CELF2: variants seen among roughly 807,000 people sequenced by gnomAD.
CELF2 encodes the protein CUGBP Elav-like family member 2, also known as CUG triplet repeat RNA-binding protein 2.
A neutral mutation model predicts 62.6 loss-of-function variants in CELF2; 8 were observed. The observed-to-expected ratio is 0.13, with a 90% CI of 0.07 to 0.23. The LOEUF (loss-of-function observed/expected upper bound fraction) is 0.23, where lower values mean the gene tolerates loss of function less well. CELF2 is among the 10% of genes least tolerant of loss of function. The pLI is 1.00. For synonymous variants in CELF2, 258 were observed against 250.0 expected, an observed-to-expected ratio of 1.03 and a Z score of -0.30; for missense variants, 333 against 671.0, an observed-to-expected ratio of 0.50 and a Z score of 5.56.
chr10:10,628,154 T>C, the CELF2 span, among the ~76,000 whole-genome samples: 1 of 152,170 alleles, frequency 6.6e-6, no homozygotes, highest in Non-Finnish European at 1.5e-5. Flanking sequence ...CCCCCCTGCC[T>C]TGGGCTCCCA....
the CELF2 span, among the ~76,000 whole-genome samples, chr10:10,646,690 G>A: frequency 1.3e-5 from 2 of 152,196 alleles, no homozygotes; most frequent in African/African-American, 2.4e-5. Flanking sequence ...ATGACAAGCT[G>A]TGATGAAATA....
chr10:10,718,331 C>T, the CELF2 span, among the ~76,000 whole-genome samples: 4 of 152,018 alleles, frequency 2.6e-5, no homozygotes, highest in African/African-American at 9.7e-5. Context: ...CAGACAAATC[C>T]ATGATTTCTT....
Position 11,157,817 on chromosome 10 carries a change from T to C in CELF2, c.75-7669T>C, listed in dbSNP as rs1007932970. Among the ~76,000 whole-genome samples, 4 of 152,244 alleles carry C rather than the reference T, an allele frequency of 2.6e-5. No homozygotes were observed. Among genetic ancestry groups the C allele is most frequent in the Non-Finnish European group, 4.4e-5 (3 of 68,046 alleles). On this transcript the variant is annotated intron_variant, in intron 1 of 12. Transcript: ENST00000633077. The surrounding 1 kb of genome is among the most constrained non-coding windows in gnomAD (Gnocchi z 4.9). ...TGTAGAGAGGGTTGTGAATCCGCAC[T>C]GACCGTGTTCTCTTGCATAAATAAG...
chr10:10,664,781 C>T, the CELF2 span, among the ~76,000 whole-genome samples: 5 of 152,270 alleles, frequency 3.3e-5, no homozygotes, highest in East Asian at 1.9e-4. Flanking sequence ...AATCTATCTT[C>T]GTGGGCAGAT....
At position 10,934,756 on chromosome 10, in the gene CELF2, T is replaced by C. The variant is rs1156776429; in HGVS notation, c.89+14757T>C. On this transcript the variant is annotated intron_variant, in intron 2 of 13. Coordinates refer to the CELF2 transcript ENST00000636488. This position sits in a 1 kb window ranked among gnomAD's most constrained non-coding sequence, Gnocchi z 4.4. ...GGGCAGTTCTGGATGTAGAACTTGA[T>C]GTTTGAGCATTTAGTAAGAAAGCAT... 20 of 152,174 alleles carry C rather than the reference T, an allele frequency of 1.3e-4. No individual in the cohort carries two copies. The highest frequency in any genetic ancestry group is 1.3e-3 in the Admixed American group (20 of 15,280). 9.4% of individuals were successfully genotyped at this position (152,174 alleles called of 1,614,324 possible).
chr10:10,956,370 A>G (rs2048898439), intron 2 of CELF2, among the ~76,000 whole-genome samples: 1 of 152,180 alleles, frequency 6.6e-6, no homozygotes. Flanking sequence ...GAAGTGTTCC[A>G]GGTACTTTAT....
In CELF2 at chr10:11,242,357, C is replaced by G. The variant is rs537875306; in HGVS notation, c.355-6796C>G. Among the ~76,000 whole-genome samples the G allele has an allele frequency of 6.6e-6, 1 of 152,130 alleles. No individual in the cohort carries two copies. The highest frequency in any genetic ancestry group is 1.5e-5 in the Non-Finnish European group (1 of 68,024). ...TGAGGAGCCAGCTGTGCCCCCTGCC[C>G]GCAGCTGCTTCCTTCCCCCAGGACT... is the stretch of plus-strand genomic sequence containing the variant. On this transcript the variant is annotated intron_variant, in intron 3 of 12. Coordinates refer to ENST00000633077, the MANE Select transcript of CELF2 (RefSeq NM_001326342.2). The surrounding 1 kb of genome is among the most constrained non-coding windows in gnomAD (Gnocchi z 4.8).
At chr10:11,139,765 T>C (rs184800821) in intron 1 of CELF2, among the ~76,000 whole-genome samples, 204 of 152,324 alleles carry the variant, frequency 1.3e-3, no homozygotes, top group Non-Finnish European at 2.3e-3. Flanking sequence ...TTCTAAATTT[T>C]AGTTGCACAA....
chr10:10,585,860 T>A, the CELF2 span, among the ~76,000 whole-genome samples: 2 of 152,124 alleles, frequency 1.3e-5, no homozygotes, highest in South Asian at 2.1e-4. Context: ...GGAAGAAAAA[T>A]TTAGCATGAC....
chr10:10,689,865 G>C, the CELF2 span, among the ~76,000 whole-genome samples: 1 of 152,148 alleles, frequency 6.6e-6, no homozygotes, highest in Admixed American at 6.5e-5. Context: ...TGTTCCTACT[G>C]AATTTCAACA....
At chr10:11,024,452 T>G (rs1297475689) in intron 1 of CELF2, among the ~76,000 whole-genome samples, 1 of 151,994 alleles carries the variant, frequency 6.6e-6, no homozygotes, top group African/African-American at 2.4e-5. Context: ...AATACAAAAA[T>G]TAGTTCGCCG....
chr10:10,832,654 A>G (rs1395665239), intron 1 of CELF2, among the ~76,000 whole-genome samples: 1 of 152,214 alleles, frequency 6.6e-6, no homozygotes, highest in Admixed American at 6.5e-5. Context: ...TAAATAGTCC[A>G]TGATTCAGGG....
At chr10:10,722,996 G>A in the CELF2 span, among the ~76,000 whole-genome samples, 1 of 152,124 alleles carries the variant, frequency 6.6e-6, no homozygotes, top group African/African-American at 2.4e-5. Flanking sequence ...TCGATTAAAA[G>A]GAAGTGTGAA....
chr10:10,735,674 T>C, the CELF2 span, among the ~76,000 whole-genome samples: 1 of 152,240 alleles, frequency 6.6e-6, no homozygotes, highest in Non-Finnish European at 1.5e-5. Context: ...AGTAGCTTCT[T>C]ATTTTTTGAC....
chr10:10,553,856 G>A, the CELF2 span, among the ~76,000 whole-genome samples: 6 of 152,146 alleles, frequency 3.9e-5, no homozygotes, highest in Non-Finnish European at 7.3e-5. Context: ...GGTCAGGGTG[G>A]GTCAGACCAG....
intron 1 of CELF2, among the ~76,000 whole-genome samples, chr10:11,126,049 A>G (rs916035430): frequency 1.3e-5 from 2 of 152,176 alleles, no homozygotes; most frequent in African/African-American, 4.8e-5. Flanking sequence ...AAAATACTAC[A>G]TCCTGCAGCT....
intron 1 of CELF2, among the ~76,000 whole-genome samples, chr10:10,885,582 A>C (rs1201724064): frequency 6.6e-6 from 1 of 152,128 alleles, no homozygotes; most frequent in Non-Finnish European, 1.5e-5. Context: ...AAATGTCTCC[A>C]TAAGCCCCTG....
intron 1 of CELF2, among the ~76,000 whole-genome samples, chr10:10,918,128 G>T (rs1328047691): frequency 1.3e-5 from 2 of 152,190 alleles, no homozygotes; most frequent in East Asian, 3.8e-4. Context: ...TATTTATTGA[G>T]TGTATATGTC....
intron 1 of CELF2, among the ~76,000 whole-genome samples, chr10:10,875,704 ATT>A (rs35821094): frequency 1.3e-5 from 2 of 151,176 alleles, no homozygotes; most frequent in African/African-American, 4.9e-5. Context: ...AAGAATCTGC[ATT>A]TTTTTTTCTC....
Sources: gnomAD v4.1 joint callset for allele counts (sites outside exome capture counted in the v4.1 genomes callset) on GRCh38, gnomAD v4.1.1 for gene constraint, Gnocchi (gnomAD v3.1) non-coding constraint, MANE v1.5 for transcripts, NCBI Gene and HGNC (gene_info 2026-07-23, HGNC 2026-07-21) for gene names.